KITLG: variants seen among roughly 807,000 people sequenced by gnomAD.
KITLG encodes the protein c-Kit ligand.
Under a neutral mutation model 34.1 loss-of-function variants are expected in KITLG, and 13 were observed. The observed-to-expected ratio is 0.38, with a 90% CI of 0.25 to 0.61. The LOEUF is 0.61. Among genes scored for constraint, KITLG ranks in the 20% least tolerant of loss-of-function variants. The pLI is 0.60. For missense variants in KITLG, 292 were observed against 318.9 expected (o/e 0.92, Z 0.64); for synonymous variants, 110 against 104.0 (o/e 1.06, Z -0.35).
At chr12:88,501,139 C>T (rs1422101149) in intron 9 of KITLG, among the ~76,000 whole-genome samples, 1 of 152,136 alleles carries the variant, frequency 6.6e-6, no homozygotes, top group Non-Finnish European at 1.5e-5. Flanking sequence ...ATTCCTTCCA[C>T]GTTTGTTCCT....
intron 3 of KITLG, among the ~76,000 whole-genome samples, chr12:88,530,697 C>A (rs1429515875): frequency 6.6e-6 from 1 of 152,044 alleles, no homozygotes; most frequent in Non-Finnish European, 1.5e-5. Context: ...CCAGAGAACT[C>A]CCCCTAACTC....
Position 88,518,875 on chromosome 12 carries a change from A to G in KITLG, c.193-8T>C, listed in dbSNP as rs374782850. Reference sequence around the variant, plus strand: ...TATCCAACAATGACTTGGCTGCAAGATATGAAAAAAGAGACAAAACAGCTA... The same window carrying G: ...TATCCAACAATGACTTGGCTGCAAGGTATGAAAAAAGAGACAAAACAGCTA... On this transcript the variant is annotated splice_polypyrimidine_tract_variant and splice_region_variant and intron_variant, in intron 3 of 9. Transcript: ENST00000644744. 9.3e-6 allele frequency: 15 copies of G among 1,612,608 alleles called. No individual in the cohort carries two copies. Among genetic ancestry groups the G allele is most frequent in the East Asian group, 2.2e-5 (1 of 44,748 alleles).
At chr12:88,534,532 A>G (rs1052290826) in intron 2 of KITLG, among the ~76,000 whole-genome samples, 2 of 151,856 alleles carry the variant, frequency 1.3e-5, no homozygotes, top group African/African-American at 4.8e-5. Flanking sequence ...ACACCTGGCT[A>G]ATTTTTGTAT....
intron 1 of KITLG, among the ~76,000 whole-genome samples, chr12:88,550,250 G>C (rs1175625812): frequency 1.3e-5 from 2 of 152,154 alleles, no homozygotes; most frequent in South Asian, 2.1e-4. Flanking sequence ...GGGGTGAAGA[G>C]AGTTTTATTT....
intron 1 of KITLG, among the ~76,000 whole-genome samples, chr12:88,568,280 C>CATTTATTTATTTATTT (rs59218602): frequency 2.0e-5 from 3 of 147,046 alleles, no homozygotes; most frequent in African/African-American, 7.6e-5. Context: ...CATATTATCT[C>CATTTATTTATTTATTT]ATTTATTTAT....
At chr12:88,513,882 G>A (rs1444091745) in intron 6 of KITLG, among the ~76,000 whole-genome samples, 1 of 151,554 alleles carries the variant, frequency 6.6e-6, no homozygotes, top group Non-Finnish European at 1.5e-5. Context: ...TAATAAGGAA[G>A]GGAAGATATA....
chr12:88,540,792 C>CT (rs1870491600), intron 2 of KITLG, among the ~76,000 whole-genome samples: 1 of 151,956 alleles, frequency 6.6e-6, no homozygotes, highest in Non-Finnish European at 1.5e-5. Flanking sequence ...TCTAATAGTC[C>CT]TTTTTTTAAA....
intron 4 of KITLG, 52 bp downstream of exon 4, chr12:88,518,645 T>C: frequency 2.1e-6 from 3 of 1,422,020 alleles, no homozygotes; most frequent in Non-Finnish European, 3.0e-6. Context: ...CCAAGAAGCA[T>C]GGGTTTTTAG....
intron 1 of KITLG, among the ~76,000 whole-genome samples, chr12:88,566,890 T>A (rs1871459671): frequency 6.6e-6 from 1 of 152,184 alleles, no homozygotes; most frequent in African/African-American, 2.4e-5. Context: ...AAAATGGACA[T>A]CCTGAAAGCT....
Position 88,495,979 on chromosome 12 carries a change from C to G in KITLG, c.*1240G>C, listed in dbSNP as rs1868626173. 1 of 152,102 alleles carries G rather than the reference C, an allele frequency of 6.6e-6. No individual in the cohort carries two copies. The highest frequency in any genetic ancestry group is 2.4e-5 in the African/African-American group (1 of 41,424). The allele number at this position is 152,102 out of a possible 1,614,324, so 9.4% of individuals were successfully genotyped here. Reference sequence around the variant, plus strand: ...CAATGTCCATCTTGGGAATTCCTGCCAAATTCACTCTTAATATGACAAACA... The same window carrying G: ...CAATGTCCATCTTGGGAATTCCTGCGAAATTCACTCTTAATATGACAAACA... On this transcript the variant is annotated 3_prime_UTR_variant, in exon 10 of 10. Coordinates refer to ENST00000644744, the MANE Select transcript of KITLG (RefSeq NM_000899.5).
Position 88,580,358 on chromosome 12 carries a change from C to A in KITLG, c.-80G>T. The A allele has an allele frequency of 5.2e-6, 8 of 1,536,910 alleles. No individual in the cohort carries two copies. The highest frequency in any genetic ancestry group is 6.3e-6 in the Non-Finnish European group (7 of 1,119,320). On this transcript the variant is annotated 5_prime_UTR_variant, in exon 1 of 10. Transcript: ENST00000644744. ...GCTGTTCTGGAGCTCCAGCATATTG[C>A]ACGAACAGCGGCGGCAGATAGTCCA...
At chr12:88,507,434 G>T (rs1869105749) in intron 6 of KITLG, among the ~76,000 whole-genome samples, 1 of 152,140 alleles carries the variant, frequency 6.6e-6, no homozygotes, top group African/African-American at 2.4e-5. Flanking sequence ...GGGGGAAAAT[G>T]ACTTATACTA....
At position 88,579,955 on chromosome 12, in the gene KITLG, A is replaced by G. The variant is rs17015899; in HGVS notation, c.15+309T>C. 7,434 of 563,486 alleles carry G rather than the reference A, an allele frequency of 0.013. 452 individuals are homozygous for G. The East Asian group carries it at 0.13, about 10-fold the overall frequency. 34.9% of individuals were successfully genotyped at this position (563,486 alleles called of 1,614,324 possible). A position where few individuals can be genotyped will look rare whatever the true frequency, so the allele number is the denominator to read the frequency against. On this transcript the variant is annotated intron_variant, in intron 1 of 9. Transcript: ENST00000644744. ...CCTTCCCGTGATAACTTAACATTCC[A>G]TGGCCCAAAAGCCAATCTTTCCACC...
intron 3 of KITLG, among the ~76,000 whole-genome samples, chr12:88,522,573 A>C (rs561436415): frequency 1.3e-5 from 2 of 152,072 alleles, no homozygotes; most frequent in African/African-American, 4.8e-5. Flanking sequence ...GATTACGGGC[A>C]TCTGCCACCA....
chr12:88,562,396 C>G (rs756063630), intron 1 of KITLG, among the ~76,000 whole-genome samples: 53 of 152,200 alleles, frequency 3.5e-4, no homozygotes, highest in Non-Finnish European at 7.1e-4. Flanking sequence ...CATCGCCAAC[C>G]AGTTTTGCTT....
intron 1 of KITLG, among the ~76,000 whole-genome samples, chr12:88,563,262 T>C (rs563826152): frequency 6.6e-6 from 1 of 152,218 alleles, no homozygotes; most frequent in Non-Finnish European, 1.5e-5. Context: ...GCTAATCTTA[T>C]CTCTTCCCAA....
At chr12:88,565,876 A>G (rs1210050723) in intron 1 of KITLG, among the ~76,000 whole-genome samples, 1 of 152,164 alleles carries the variant, frequency 6.6e-6, no homozygotes, top group Non-Finnish European at 1.5e-5. Context: ...TTAGCTCAGG[A>G]CCTGGCACAG....
At chr12:88,542,000 T>C (rs1364264687) in intron 2 of KITLG, among the ~76,000 whole-genome samples, 7 of 152,082 alleles carry the variant, frequency 4.6e-5, no homozygotes, top group Non-Finnish European at 1.0e-4. Flanking sequence ...CAGGCAAAAA[T>C]GGACTGTCAG....
chr12:88,579,821 G>C (rs1807022530), intron 1 of KITLG, among the ~76,000 whole-genome samples: 2 of 148,728 alleles, frequency 1.3e-5, no homozygotes, highest in African/African-American at 2.5e-5. Context: ...GCCCACCTCG[G>C]GGCTACACAA....
Sources: allele counts gnomAD v4.1 joint callset (sites outside exome capture counted in the v4.1 genomes callset), GRCh38; gene constraint gnomAD v4.1.1; transcripts MANE v1.5; gene names NCBI Gene and HGNC (gene_info 2026-07-23, HGNC 2026-07-21).